Variants in ADAMTSL1 observed in about 807,000 individuals in gnomAD.
ADAMTSL1 encodes ADAMTS-like protein 1.
In ADAMTSL1, 126 loss-of-function variants were observed where a neutral mutation model predicts 201.8. The ratio of observed to expected loss-of-function variants is 0.62; its 90% confidence interval spans 0.54 to 0.72. The LOEUF (loss-of-function observed/expected upper bound fraction) is 0.72. Among genes scored for constraint, ADAMTSL1 ranks in the 30% least tolerant of loss-of-function variants. The probability of loss-of-function intolerance (pLI) is 0.00; values close to 1 mark genes in which losing one functional copy is unlikely to be tolerated. For missense variants in ADAMTSL1, 2,679 were observed against 2,277.8 expected (o/e 1.18, Z -3.59); for synonymous variants, 1,121 against 903.4 (o/e 1.24, Z -4.32).
chr9:18,857,780 A>G (rs1321045232), intron 23 of ADAMTSL1, among the ~76,000 whole-genome samples: 4 of 152,166 alleles, frequency 2.6e-5, no homozygotes, highest in Non-Finnish European at 5.9e-5. Context: ...GTCTTATCCA[A>G]TGGGCTATAA....
rs143218809 is a variant in ADAMTSL1, at chr9:18,560,093, C to G, written c.238-13937C>G. ...GGCATCCTTGTCTTGTACCAGTTTT[C>G]AAAGGGAATGCTTCCAGCTTTTGCC... On this transcript the variant is annotated intron_variant, in intron 3 of 28. Transcript: ENST00000380548. Among the ~76,000 whole-genome samples the G allele has an allele frequency of 9.1e-4, 138 of 152,240 alleles. 3 individuals carry two copies. The East Asian group carries it at 0.026, about 29-fold the overall frequency.
intron 3 of ADAMTSL1, among the ~76,000 whole-genome samples, chr9:18,547,831 T>G (rs1041827236): frequency 6.6e-5 from 10 of 151,990 alleles, no homozygotes; most frequent in South Asian, 4.2e-4. Flanking sequence ...TTTAGTACAG[T>G]ATCTGATTCT....
intron 2 of ADAMTSL1, among the ~76,000 whole-genome samples, chr9:18,254,593 G>A (rs932588847): frequency 6.6e-6 from 1 of 151,498 alleles, no homozygotes; most frequent in African/African-American, 2.4e-5. Flanking sequence ...TCGATCTCCT[G>A]ACTTCGTGAT....
intron 2 of ADAMTSL1, among the ~76,000 whole-genome samples, chr9:18,208,262 A>T (rs1829734616): frequency 1.3e-5 from 2 of 152,178 alleles, no homozygotes; most frequent in Admixed American, 6.5e-5. Context: ...GAAAGAGGCT[A>T]TGAGTCCCAA....
At chr9:18,527,887 G>GC (rs1463102222) in intron 2 of ADAMTSL1, among the ~76,000 whole-genome samples, 3 of 151,808 alleles carry the variant, frequency 2.0e-5, no homozygotes, top group Non-Finnish European at 4.4e-5. Context: ...TATTCCACCC[G>GC]CCCCCCTCAA....
intron 2 of ADAMTSL1, among the ~76,000 whole-genome samples, chr9:18,333,931 G>T (rs1045098673): frequency 1.3e-5 from 2 of 152,100 alleles, no homozygotes; most frequent in Non-Finnish European, 2.9e-5. Context: ...GGTCTGTCCA[G>T]ATCTTCCATT....
intron 14 of ADAMTSL1, among the ~76,000 whole-genome samples, chr9:18,715,951 A>G (rs1190403392): frequency 6.6e-6 from 1 of 151,454 alleles, no homozygotes; most frequent in Non-Finnish European, 1.5e-5. Flanking sequence ...CAACTATCTG[A>G]TCTTTGAAAA....
At position 18,622,979 on chromosome 9, in the gene ADAMTSL1, T is replaced by C. The variant is rs1243649495; in HGVS notation, c.601+610T>C. On this transcript the variant is annotated intron_variant, in intron 5 of 28. Coordinates refer to ENST00000380548, the MANE Select transcript of ADAMTSL1 (RefSeq NM_001040272.6). The stretch of plus-strand genomic sequence containing the variant: ...GGGGCAATCTCAGCTCACTGCAACC[T>C]CCGCTTCCCGGGTTCAAGTGATTCT... Among the ~76,000 whole-genome samples, 5 of 152,216 alleles carry C rather than the reference T, an allele frequency of 3.3e-5. No homozygotes were observed. In the East Asian group the frequency reaches 7.7e-4, roughly 23 times the overall value.
chr9:18,095,670 C>T (rs956702225), intron 1 of ADAMTSL1, among the ~76,000 whole-genome samples: 7 of 152,146 alleles, frequency 4.6e-5, no homozygotes, highest in Middle Eastern at 3.4e-3. Context: ...GTGATCCACC[C>T]GCCTCAGCCT....
chr9:18,205,449 T>C (rs1039553956), intron 2 of ADAMTSL1, among the ~76,000 whole-genome samples: 2 of 152,120 alleles, frequency 1.3e-5, no homozygotes, highest in African/African-American at 4.8e-5. Flanking sequence ...AATGGATTTA[T>C]GTTCTCCCTT....
intron 3 of ADAMTSL1, among the ~76,000 whole-genome samples, chr9:18,540,335 C>T (rs1340849187): frequency 2.6e-5 from 4 of 152,054 alleles, no homozygotes; most frequent in African/African-American, 9.7e-5. Flanking sequence ...TGATCTTAGC[C>T]AAAAGGCCGA....
At chr9:18,430,963 T>C (rs1249326885) in intron 2 of ADAMTSL1, among the ~76,000 whole-genome samples, 1 of 152,136 alleles carries the variant, frequency 6.6e-6, no homozygotes, top group Admixed American at 6.5e-5. Context: ...CATTTGGATA[T>C]ATTAGGTCCC....
chr9:18,743,386 AG>A (rs1156618862), intron 15 of ADAMTSL1, among the ~76,000 whole-genome samples: 1 of 152,216 alleles, frequency 6.6e-6, no homozygotes, highest in Non-Finnish European at 1.5e-5. Flanking sequence ...TCTTGCTGCA[AG>A]TGCCATTTTT....
chr9:18,693,418 G>T (rs781673704), intron 13 of ADAMTSL1, among the ~76,000 whole-genome samples: 1 of 152,152 alleles, frequency 6.6e-6, no homozygotes, highest in Non-Finnish European at 1.5e-5. Flanking sequence ...AGCCCACTGT[G>T]GCTGCTCAGT....
At chr9:18,784,747 A>G (rs1374889054) in intron 19 of ADAMTSL1, among the ~76,000 whole-genome samples, 3 of 152,328 alleles carry the variant, frequency 2.0e-5, no homozygotes, top group South Asian at 2.1e-4. Flanking sequence ...AGCACTTACA[A>G]TGGGCTTCAG....
intron 1 of ADAMTSL1, among the ~76,000 whole-genome samples, chr9:18,490,077 G>T (rs184244233): frequency 6.6e-6 from 1 of 152,290 alleles, no homozygotes; most frequent in Admixed American, 6.5e-5. Flanking sequence ...CCTCAGCTGG[G>T]ATCCAAGGCC....
At chr9:18,379,266 T>C (rs1053891323) in intron 2 of ADAMTSL1, among the ~76,000 whole-genome samples, 1 of 152,194 alleles carries the variant, frequency 6.6e-6, no homozygotes, top group Non-Finnish European at 1.5e-5. Context: ...AACAGATGGA[T>C]TTCAAAACAG....
chr9:18,207,625 A>C (rs1829707343), intron 2 of ADAMTSL1, among the ~76,000 whole-genome samples: 1 of 152,198 alleles, frequency 6.6e-6, no homozygotes, highest in Non-Finnish European at 1.5e-5. Context: ...GAAAAGGTGA[A>C]TCCATGGTCC....
intron 1 of ADAMTSL1, among the ~76,000 whole-genome samples, chr9:17,959,769 G>A (rs1018672452): frequency 9.2e-5 from 14 of 152,074 alleles, no homozygotes; most frequent in African/African-American, 3.4e-4. Flanking sequence ...ACATTTTTTA[G>A]AAAAGTATAT....
Sources: allele counts gnomAD v4.1 joint callset (sites outside exome capture counted in the v4.1 genomes callset), GRCh38; gene constraint gnomAD v4.1.1; transcripts MANE v1.5; gene names NCBI Gene and HGNC (gene_info 2026-07-23, HGNC 2026-07-21).